PCDH7: variants seen among roughly 807,000 people sequenced by gnomAD.
PCDH7 encodes the protein protocadherin 7.
A neutral mutation model predicts 58.9 loss-of-function variants in PCDH7; 17 were observed. The observed-to-expected ratio is 0.29, with a 90% CI of 0.20 to 0.43. The LOEUF (loss-of-function observed/expected upper bound fraction) is 0.43. Ranked by LOEUF, PCDH7 falls within the 20% of genes least tolerant of loss-of-function variation. The pLI is 1.00. For synonymous variants in PCDH7, 664 were observed against 616.4 expected (o/e 1.08, Z -1.14); for missense variants, 1,274 against 1,441.0 (o/e 0.88, Z 1.88).
At chr4:30,795,647 T>C (rs995105110) in intron 1 of PCDH7, among the ~76,000 whole-genome samples, 3 of 152,322 alleles carry the variant, frequency 2.0e-5, no homozygotes, top group Admixed American at 6.5e-5. Flanking sequence ...CAAGGTTGTG[T>C]CTGATTTTAA....
intron 3 of PCDH7, among the ~76,000 whole-genome samples, chr4:30,969,546 T>C (rs926261893): frequency 2.0e-5 from 3 of 152,128 alleles, no homozygotes; most frequent in African/African-American, 7.2e-5. Context: ...GTTGTCCAAA[T>C]ATAGAAGCCA....
intron 1 of PCDH7, among the ~76,000 whole-genome samples, chr4:30,846,479 C>A (rs1469014213): frequency 6.7e-6 from 1 of 149,788 alleles, no homozygotes; most frequent in Non-Finnish European, 1.5e-5. Flanking sequence ...GACTCCAGAA[C>A]TGTGAGTTTT....
rs576161219 is a variant in PCDH7, at chr4:30,896,344, A to AG, written c.71-23808dup. 1.2e-4 allele frequency among the ~76,000 whole-genome samples: 19 copies of AG among 152,246 alleles called. 1 individual carries two copies. The South Asian group carries it at 3.9e-3, about 32-fold the overall frequency. On this transcript the variant is annotated intron_variant, in intron 1 of 3. Coordinates refer to the PCDH7 transcript ENST00000509759. The stretch of plus-strand genomic sequence containing the variant: ...CCTAAAACAGCTTAATTGCTTTTCT[A>AG]GATTTGGGTAGCTATTTCAATGCTG...
At chr4:30,951,432 C>T (rs540720833) in intron 3 of PCDH7, among the ~76,000 whole-genome samples, 1 of 152,224 alleles carries the variant, frequency 6.6e-6, no homozygotes, top group South Asian at 2.1e-4. Flanking sequence ...CATGATCTCA[C>T]TTCTACCCAT....
At chr4:31,037,579 A>C (rs1408140008) in intron 3 of PCDH7, among the ~76,000 whole-genome samples, 1 of 152,170 alleles carries the variant, frequency 6.6e-6, no homozygotes, top group African/African-American at 2.4e-5. Context: ...TCAATGATTA[A>C]AATATTCAAA....
rs575543263 is a variant in PCDH7 at position 31,125,644 on chromosome 4, G to T, written c.*8-16829G>T. Among the ~76,000 whole-genome samples the T allele has an allele frequency of 3.3e-5, 5 of 152,112 alleles. No homozygotes were observed. In the South Asian group the frequency reaches 8.3e-4, roughly 25 times the overall value. On this transcript the variant is annotated intron_variant, in intron 3 of 3. Transcript: ENST00000509759. ...ATGACATTCAGTACAATAATCTCTCGTGATGCTAGGAAGTGGCAGTGAGCC... is the reference window on the plus strand; with the variant it reads ...ATGACATTCAGTACAATAATCTCTCTTGATGCTAGGAAGTGGCAGTGAGCC...
intron 1 of PCDH7, among the ~76,000 whole-genome samples, chr4:30,915,540 T>G (rs984792396): frequency 3.3e-5 from 5 of 152,148 alleles, no homozygotes; most frequent in Admixed American, 1.3e-4. Flanking sequence ...TGTTGTTGTT[T>G]TTGAGATGGA....
rs1482405026 is a variant in PCDH7 at position 31,000,921 on chromosome 4, G to C, written c.*7+50706G>C. The stretch of plus-strand genomic sequence containing the variant: ...GTGATGGCATATTTTATACAGTTTA[G>C]AGTCTATGTGTACACACCAATACAC... On this transcript the variant is annotated intron_variant, in intron 3 of 3. Transcript: ENST00000509759. Among the ~76,000 whole-genome samples, 8 of 152,026 alleles carry C rather than the reference G, an allele frequency of 5.3e-5. No individual in the cohort carries two copies. In the East Asian group the frequency reaches 1.5e-3, roughly 29 times the overall value.
At chr4:31,086,883 G>A (rs1347901463) in intron 3 of PCDH7, among the ~76,000 whole-genome samples, 2 of 152,136 alleles carry the variant, frequency 1.3e-5, no homozygotes, top group South Asian at 4.1e-4. Flanking sequence ...GCAATATTAA[G>A]CACTCAGCTC....
intron 3 of PCDH7, among the ~76,000 whole-genome samples, chr4:31,088,889 T>C (rs1046294268): frequency 2.0e-5 from 3 of 152,060 alleles, no homozygotes; most frequent in African/African-American, 7.2e-5. Flanking sequence ...TCAATAATAA[T>C]GTTAAAATAT....
At chr4:31,080,356 G>A (rs982740213) in intron 3 of PCDH7, among the ~76,000 whole-genome samples, 1 of 151,838 alleles carries the variant, frequency 6.6e-6, no homozygotes. Context: ...ATAATAGTAT[G>A]TATAATTCAT....
chr4:30,893,130 C>T (rs1054741150), intron 1 of PCDH7, among the ~76,000 whole-genome samples: 5 of 152,072 alleles, frequency 3.3e-5, no homozygotes, highest in African/African-American at 1.2e-4. Flanking sequence ...TTCTGTTACA[C>T]TCTATTTGTT....
intron 1 of PCDH7, among the ~76,000 whole-genome samples, chr4:30,759,189 G>A (rs564913405): frequency 1.3e-5 from 2 of 152,106 alleles, no homozygotes; most frequent in African/African-American, 4.8e-5. Context: ...CCATCCGCCC[G>A]CCCTGGCCTC....
intron 1 of PCDH7, among the ~76,000 whole-genome samples, chr4:30,914,117 C>T (rs1742110726): frequency 6.6e-6 from 1 of 152,024 alleles, no homozygotes; most frequent in Non-Finnish European, 1.5e-5. Flanking sequence ...TTTGCCTACT[C>T]GTGTGGCCTC....
intron 1 of PCDH7, among the ~76,000 whole-genome samples, chr4:30,741,803 G>A (rs911461265): frequency 6.6e-6 from 1 of 152,204 alleles, no homozygotes; most frequent in Non-Finnish European, 1.5e-5. Context: ...GATTTGGAAA[G>A]CTGTTTCAAA....
chr4:31,082,100 C>T (rs540875444), intron 3 of PCDH7, among the ~76,000 whole-genome samples: 1 of 152,048 alleles, frequency 6.6e-6, no homozygotes, highest in East Asian at 1.9e-4. Context: ...TAAAAAATTT[C>T]TAACTGAAAG....
chr4:30,880,956 A>G (rs1736887875), intron 1 of PCDH7, among the ~76,000 whole-genome samples: 1 of 152,160 alleles, frequency 6.6e-6, no homozygotes, highest in Non-Finnish European at 1.5e-5. Context: ...ACTCTGTGTT[A>G]CATTCACTGT....
intron 1 of PCDH7, among the ~76,000 whole-genome samples, chr4:30,820,403 A>G (rs569748608): frequency 5.3e-5 from 8 of 152,138 alleles, no homozygotes; most frequent in Non-Finnish European, 1.0e-4. Flanking sequence ...ACGGTTCTTC[A>G]TACTTAAGTT....
chr4:31,083,173 G>T (rs1319126213), intron 3 of PCDH7, among the ~76,000 whole-genome samples: 1 of 152,000 alleles, frequency 6.6e-6, no homozygotes, highest in Non-Finnish European at 1.5e-5. Context: ...TACTCAGGGG[G>T]CAGGTGTACT....
Sources: allele counts gnomAD v4.1 joint callset (sites outside exome capture counted in the v4.1 genomes callset), GRCh38; gene constraint gnomAD v4.1.1; transcripts MANE v1.5; gene names NCBI Gene and HGNC (gene_info 2026-07-23, HGNC 2026-07-21).